HAO2: variants seen among roughly 807,000 people sequenced by gnomAD.
HAO2 encodes 2-Hydroxyacid oxidase 2.
Under a neutral mutation model 37.4 loss-of-function variants are expected in HAO2, and 42 were observed. The ratio of observed to expected loss-of-function variants is 1.12; its 90% CI spans 0.88 to 1.45. HAO2 has a LOEUF of 1.45. Among genes scored for constraint, HAO2 ranks in the 40% most tolerant of loss-of-function variants. The pLI, the probability that HAO2 is intolerant of heterozygous loss-of-function variation, is 0.00. For synonymous variants in HAO2, 180 were observed against 162.8 expected (o/e 1.11, Z -0.81); for missense variants, 476 against 430.2 (o/e 1.11, Z -0.94).
chr1:119,385,135 C>G, intron 4 of HAO2, 82 bp downstream of exon 4: 2 of 1,530,238 alleles, frequency 1.3e-6, no homozygotes, highest in Non-Finnish European at 1.8e-6. Context: ...TCCATTCTTT[C>G]TTTCCACAGG....
intron 4 of HAO2, chr1:119,385,955 C>T (rs190333339): frequency 5.7e-6 from 5 of 884,836 alleles, no homozygotes; most frequent in East Asian, 1.2e-4. Context: ...ATGCCTCAAC[C>T]GTAACATATC....
intron 5 of HAO2, among the ~76,000 whole-genome samples, chr1:119,389,631 GA>G (rs1420277399): frequency 4.4e-5 from 6 of 137,696 alleles, no homozygotes; most frequent in Non-Finnish European, 9.0e-5. Flanking sequence ...TTTTTGATGA[GA>G]TTTTTTTTTT....
Position 119,382,902 on chromosome 1 carries a change from T to C in HAO2, c.132-13T>C, listed in dbSNP as rs1335103651. 11 of 1,611,938 alleles carry C rather than the reference T, an allele frequency of 6.8e-6. No individual in the cohort carries two copies. Among genetic ancestry groups the C allele is most frequent in the African/African-American group, 1.3e-5 (1 of 74,912 alleles). On this transcript the variant is annotated splice_polypyrimidine_tract_variant and intron_variant, in intron 2 of 7. Transcript: ENST00000325945. ...ATCTCACCAACAGAAGATCTCTTTG[T>C]TGTCCGGCACAGAATTCGCCTCCGT...
chr1:119,381,014 T>A, intron 1 of HAO2, 64 bp from the exon 2 acceptor site: 1 of 1,408,686 alleles, frequency 7.1e-7, no homozygotes, highest in Non-Finnish European at 1.0e-6. Flanking sequence ...TTCCCCTTCA[T>A]TTCCTTTTCT....
At chr1:119,369,881 T>TCC (rs142240262) in intron 1 of HAO2, among the ~76,000 whole-genome samples, 2 of 151,362 alleles carry the variant, frequency 1.3e-5, no homozygotes, top group East Asian at 3.9e-4. Context: ...GTGATAAAGG[T>TCC]CCCCCCCCAT....
At chr1:119,385,881 TGGTGAGCCAAGA>T in intron 4 of HAO2, 1 of 984,824 alleles carries the variant, frequency 1.0e-6, no homozygotes, top group Non-Finnish European at 1.2e-6. Flanking sequence ...TTGATGTACA[TGGTGAGCCAAGA>T]GTAAATATTG....
chr1:119,382,943 G>A lies in HAO2; in HGVS notation c.160G>A (p.Asp54Asn). The A allele has an allele frequency of 6.2e-7, 1 of 1,613,596 alleles. No homozygotes were observed. The highest frequency in any genetic ancestry group is 8.5e-7 in the Non-Finnish European group (1 of 1,179,592). The change falls in exon 3 of 8, where the codon GAT (aspartate) becomes AAT (asparagine). Residue 54 changes from aspartate to asparagine, a missense_variant. Transcript: ENST00000325945. Reference protein sequence around the residue: ...RIRLRPRYLRDVSEVDTRTTI... With the variant: ...RIRLRPRYLRNVSEVDTRTTI... ...TCGCCTCCGTCCGCGGTACCTGAGAGATGTGTCTGAGGTGGACACCAGAAC... is the reference window on the plus strand; with the variant it reads ...TCGCCTCCGTCCGCGGTACCTGAGAAATGTGTCTGAGGTGGACACCAGAAC...
chr1:119,381,421 T>C (rs57171146), intron 2 of HAO2, among the ~76,000 whole-genome samples: 4,337 of 152,232 alleles, frequency 0.028, 195 homozygotes, highest in African/African-American at 0.097. Context: ...ATTTCTGTTA[T>C]AGCCAGCATA....
chr1:119,393,227 A>T (rs1288335800), intron 7 of HAO2, among the ~76,000 whole-genome samples: 1 of 152,038 alleles, frequency 6.6e-6, no homozygotes, highest in Non-Finnish European at 1.5e-5. Context: ...GCCCCATAAC[A>T]TCATGCCAGC....
intron 1 of HAO2, among the ~76,000 whole-genome samples, chr1:119,378,082 G>A (rs1384911559): frequency 6.6e-6 from 1 of 152,022 alleles, no homozygotes. Flanking sequence ...TTTAAACCTA[G>A]AAAATTCTCT....
At chr1:119,389,867 C>T (rs1254088877) in intron 5 of HAO2, among the ~76,000 whole-genome samples, 1 of 152,084 alleles carries the variant, frequency 6.6e-6, no homozygotes, top group African/African-American at 2.4e-5. Flanking sequence ...CTTGCCTAAG[C>T]CAATATCTGG....
intron 5 of HAO2, among the ~76,000 whole-genome samples, chr1:119,390,048 C>T (rs972939958): frequency 6.6e-6 from 1 of 152,044 alleles, no homozygotes; most frequent in Non-Finnish European, 1.5e-5. Flanking sequence ...ATATAGTATC[C>T]TTTCCCTACT....
At chr1:119,370,540 A>G (rs587643354) in intron 1 of HAO2, among the ~76,000 whole-genome samples, 2 of 152,324 alleles carry the variant, frequency 1.3e-5, no homozygotes, top group South Asian at 4.1e-4. Context: ...CTTAGTCCTC[A>G]TGGCAGCCCT....
chr1:119,386,411 GC>G (rs1650383688), intron 4 of HAO2, among the ~76,000 whole-genome samples: 1 of 152,022 alleles, frequency 6.6e-6, no homozygotes, highest in Middle Eastern at 3.2e-3. Flanking sequence ...TCTGTGTGTT[GC>G]CCATGCTTGT....
chr1:119,385,265 T>TTGTTTGGTCAG, intron 4 of HAO2: 1 of 985,208 alleles, frequency 1.0e-6, no homozygotes, highest in Non-Finnish European at 1.2e-6. Context: ...CCAAATGTTC[T>TTGTTTGGTCAG]CACCCTTGGA....
intron 1 of HAO2, among the ~76,000 whole-genome samples, chr1:119,371,420 T>C (rs1054582331): frequency 2.0e-5 from 3 of 152,240 alleles, no homozygotes; most frequent in Admixed American, 6.5e-5. Context: ...TTTTAGTGAT[T>C]GGCTGAATAA....
In HAO2 at chr1:119,385,462, A is replaced by C. The variant is rs141547249; in HGVS notation, c.561+409A>C. 7 of 777,510 alleles carry C rather than the reference A, an allele frequency of 9.0e-6. No homozygotes were observed. In the East Asian group the frequency reaches 8.9e-4, roughly 99 times the overall value. The allele number at this position is 777,510 out of a possible 1,614,324, so 48.2% of individuals were successfully genotyped here. On this transcript the variant is annotated intron_variant, in intron 4 of 7. Transcript: ENST00000325945. ...ATACATAGACAAACTGACTCTCCAA[A>C]GGGGATGTTCATGACCAAAGTGACT...
intron 1 of HAO2, among the ~76,000 whole-genome samples, chr1:119,373,210 T>C (rs1050487971): frequency 1.3e-5 from 2 of 152,136 alleles, no homozygotes; most frequent in African/African-American, 4.8e-5. Flanking sequence ...TTTACTGGCA[T>C]GGCTAAGCAG....
In HAO2 at chr1:119,385,195, C is replaced by G. The variant is rs918865278; in HGVS notation, c.561+142C>G. 2.9e-5 allele frequency: 41 copies of G among 1,427,636 alleles called. No homozygotes were observed. The African/African-American group carries it at 4.3e-4, about 15-fold the overall frequency. The allele number at this position is 1,427,636 out of a possible 1,614,324, so 88.4% of individuals were successfully genotyped here. On this transcript the variant is annotated intron_variant, in intron 4 of 7. Coordinates refer to ENST00000325945, the MANE Select transcript of HAO2 (RefSeq NM_016527.4). ...CCAGACACTGCGGATAAAGCAGTTT[C>G]AAAAAGCAGATATGGTTCCTGCTCC... is the stretch of plus-strand genomic sequence containing the variant.
Sources: allele counts gnomAD v4.1 joint callset (sites outside exome capture counted in the v4.1 genomes callset), GRCh38; gene constraint gnomAD v4.1.1; transcripts MANE v1.5; gene names NCBI Gene and HGNC (gene_info 2026-07-23, HGNC 2026-07-21).